The following BRIP1 variants were observed in gnomAD, a reference collection of about 807,000 sequenced individuals.
BRIP1 encodes BRCA1 interacting DNA helicase 1, also known as Fanconi anemia group J protein.
A neutral mutation model predicts 119.7 loss-of-function variants in BRIP1; 88 were observed. The observed-to-expected ratio is 0.74, with a 90% CI of 0.62 to 0.88. The LOEUF (loss-of-function observed/expected upper bound fraction) is 0.88. Among genes scored for constraint, BRIP1 ranks in the 40% least tolerant of loss-of-function variants. The pLI is 0.00. For missense variants in BRIP1, 1,259 were observed against 1,455.4 expected (o/e 0.87, Z 2.20); for synonymous variants, 443 against 496.5 (o/e 0.89, Z 1.43).
rs2078232419 is a variant in BRIP1, at chr17:61,816,081, T to G, written c.628-7324A>C. 6.6e-6 allele frequency among the ~76,000 whole-genome samples: 1 copy of G among 152,218 alleles called. No individual in the cohort carries two copies. Among genetic ancestry groups the G allele is most frequent in the Non-Finnish European group, 1.5e-5 (1 of 68,032 alleles). ...TTAGACTGCACAAAGCAGCTGTTTATCCACTCACAGCAACCAGCAGGTGAA... is the reference window on the plus strand; with the variant it reads ...TTAGACTGCACAAAGCAGCTGTTTAGCCACTCACAGCAACCAGCAGGTGAA... On this transcript the variant is annotated intron_variant, in intron 6 of 19. Transcript: ENST00000259008. The surrounding 1 kb of genome is among the most constrained non-coding windows in gnomAD (Gnocchi z 5.0).
chr17:61,757,045 G>A lies in BRIP1; in HGVS notation c.2098-12454C>T, dbSNP rs1398215448. On this transcript the variant is annotated intron_variant, in intron 14 of 19. Transcript: ENST00000259008. This position sits in a 1 kb window ranked among gnomAD's most constrained non-coding sequence, Gnocchi z 4.3. ...GATTCTTCATTATTCATTTCATGAG[G>A]TACTCATATGTTTTAAATGTTTACT... 6.6e-6 allele frequency among the ~76,000 whole-genome samples: 1 copy of A among 151,992 alleles called. No homozygotes were observed. The highest frequency in any genetic ancestry group is 6.6e-5 in the Admixed American group (1 of 15,262).
At chr17:61,777,242 G>C (rs1260064708) in intron 13 of BRIP1, among the ~76,000 whole-genome samples, 1 of 152,148 alleles carries the variant, frequency 6.6e-6, no homozygotes, top group Admixed American at 6.5e-5. Context: ...ATGAATGAAT[G>C]ATCAAAATGT....
At position 61,687,210 on chromosome 17, in the gene BRIP1, A is replaced by G. The variant is rs2061376203; in HGVS notation, c.2576-1045T>C. ...AACTATGATCACGTCACTGCACTCC[A>G]GCCTGGGCAACAGAGTAAGACCTGT... On this transcript the variant is annotated intron_variant, in intron 18 of 19. Coordinates refer to ENST00000259008, the MANE Select transcript of BRIP1 (RefSeq NM_032043.3). This position sits in a 1 kb window ranked among gnomAD's most constrained non-coding sequence, Gnocchi z 5.1. 6.6e-6 allele frequency among the ~76,000 whole-genome samples: 1 copy of G among 152,214 alleles called. No homozygotes were observed. The highest frequency in any genetic ancestry group is 2.1e-4 in the South Asian group (1 of 4,830).
intron 14 of BRIP1, among the ~76,000 whole-genome samples, chr17:61,750,083 G>A (rs1013089740): frequency 2.6e-5 from 4 of 152,162 alleles, no homozygotes; most frequent in African/African-American, 9.7e-5. Context: ...TGGCAAGAGT[G>A]GGCATCCTTG....
Position 61,842,943 on chromosome 17 carries a change from C to T in BRIP1, c.627+4158G>A, listed in dbSNP as rs2078678006. Among the ~76,000 whole-genome samples the T allele has an allele frequency of 6.6e-6, 1 of 152,142 alleles. No homozygotes were observed. The highest frequency in any genetic ancestry group is 2.1e-4 in the South Asian group (1 of 4,828). On this transcript the variant is annotated intron_variant, in intron 6 of 19. Coordinates refer to ENST00000259008, the MANE Select transcript of BRIP1 (RefSeq NM_032043.3). The surrounding 1 kb of genome is among the most constrained non-coding windows in gnomAD (Gnocchi z 5.1). The stretch of plus-strand genomic sequence containing the variant: ...AGTAGAGCTATGATTAAAATCCAAG[C>T]AGTCTCAAGATATGAAAATAACCTA...
chr17:61,683,193 T>G lies in BRIP1; in HGVS notation c.*103A>C. On this transcript the variant is annotated 3_prime_UTR_variant, in exon 20 of 20. Transcript: ENST00000259008. The surrounding 1 kb of genome is among the most constrained non-coding windows in gnomAD (Gnocchi z 4.7). ...TACATTTCTGAACATAAAATAGTTT[T>G]TTAAAAAGTATGCCACTTATTCAAT... 5.2e-6 allele frequency: 7 copies of G among 1,346,232 alleles called. No homozygotes were observed. Among genetic ancestry groups the G allele is most frequent in the Non-Finnish European group, 7.2e-6 (7 of 971,322 alleles). 83.4% of individuals were successfully genotyped at this position (1,346,232 alleles called of 1,614,324 possible). A position where few individuals can be genotyped will look rare whatever the true frequency, so the allele number is the denominator to read the frequency against.
At position 61,703,130 on chromosome 17, in the gene BRIP1, T is replaced by C. The variant is rs527381018; in HGVS notation, c.2493-9618A>G. On this transcript the variant is annotated intron_variant, in intron 17 of 19. Transcript: ENST00000259008. The surrounding 1 kb of genome is among the most constrained non-coding windows in gnomAD (Gnocchi z 5.0). ...CCCAGGCTGAAGTGCAGTGGCACAA[T>C]CCCAACTCACTGCAAACTCCACCTC... Among the ~76,000 whole-genome samples, 1 of 152,302 alleles carries C rather than the reference T, an allele frequency of 6.6e-6. No individual in the cohort carries two copies. Among genetic ancestry groups the C allele is most frequent in the African/African-American group, 2.4e-5 (1 of 41,572 alleles).
At position 61,778,923 on chromosome 17, in the gene BRIP1, C is replaced by T. The variant is rs2077574066; in HGVS notation, c.1935+1338G>A. Among the ~76,000 whole-genome samples the T allele has an allele frequency of 6.6e-6, 1 of 152,112 alleles. No homozygotes were observed. The highest frequency in any genetic ancestry group is 2.4e-5 in the African/African-American group (1 of 41,436). On this transcript the variant is annotated intron_variant, in intron 13 of 19. Transcript: ENST00000259008. This position sits in a 1 kb window ranked among gnomAD's most constrained non-coding sequence, Gnocchi z 4.4. The stretch of plus-strand genomic sequence containing the variant: ...CCTGTGTATATAGCTTAATAAAGAG[C>T]TAGCATTGTGTTAGGCACACAGGTG...
chr17:61,754,233 C>T lies in BRIP1; in HGVS notation c.2098-9642G>A, dbSNP rs977995459. The stretch of plus-strand genomic sequence containing the variant: ...GATTTTACCCAGCTATTTCTTTGGC[C>T]GTATCTCCTTCAATTCCCCATACTT... On this transcript the variant is annotated intron_variant, in intron 14 of 19. Transcript: ENST00000259008. The surrounding 1 kb of genome is among the most constrained non-coding windows in gnomAD (Gnocchi z 4.1). Among the ~76,000 whole-genome samples, 2 of 152,238 alleles carry T rather than the reference C, an allele frequency of 1.3e-5. No homozygotes were observed. The highest frequency in any genetic ancestry group is 1.9e-4 in the East Asian group (1 of 5,186).
rs1234209130 is a variant in BRIP1 at position 61,780,705 on chromosome 17, G to T, written c.1794+135C>A. Reference sequence around the variant, plus strand: ...ATTGCACCACTGCACTCCAGCCTGGGTGAAGAGCAAGACCCTGCCTCAAAA... The same window carrying T: ...ATTGCACCACTGCACTCCAGCCTGGTTGAAGAGCAAGACCCTGCCTCAAAA... On this transcript the variant is annotated intron_variant, in intron 12 of 19. Transcript: ENST00000259008. The surrounding 1 kb of genome is among the most constrained non-coding windows in gnomAD (Gnocchi z 5.4). 2 of 1,094,044 alleles carry T rather than the reference G, an allele frequency of 1.8e-6. No homozygotes were observed. Among genetic ancestry groups the T allele is most frequent in the Non-Finnish European group, 1.4e-6 (1 of 728,446 alleles). The allele number at this position is 1,094,044 out of a possible 1,614,324, so 67.8% of individuals were successfully genotyped here.
chr17:61,733,772 A>G (rs560191935), intron 16 of BRIP1, among the ~76,000 whole-genome samples: 1 of 152,272 alleles, frequency 6.6e-6, no homozygotes, highest in East Asian at 1.9e-4. Context: ...ATAGTTTCCA[A>G]ATAAAATCTA....
In BRIP1 at chr17:61,759,889, A is replaced by G. The variant is rs1351932399; in HGVS notation, c.2098-15298T>C. 4.3e-5 allele frequency among the ~76,000 whole-genome samples: 4 copies of G among 93,620 alleles called. No individual in the cohort carries two copies. The highest frequency in any genetic ancestry group is 1.1e-4 in the Non-Finnish European group (4 of 37,890). The allele number at this position is 93,620 out of a possible 152,430, so 61.4% of individuals were successfully genotyped here. ...GGTTGCCACAAACCTTTAATTTATG[A>G]AAAAAAAAAAACCCAGAATATTTGC... On this transcript the variant is annotated intron_variant, in intron 14 of 19. Coordinates refer to ENST00000259008, the MANE Select transcript of BRIP1 (RefSeq NM_032043.3). This position sits in a 1 kb window ranked among gnomAD's most constrained non-coding sequence, Gnocchi z 4.9.
At position 61,859,880 on chromosome 17, in the gene BRIP1, G is replaced by T; in HGVS notation, c.121C>A (p.His41Asn). The T allele has an allele frequency of 6.2e-7, 1 of 1,613,238 alleles. No individual in the cohort carries two copies. The highest frequency in any genetic ancestry group is 8.5e-7 in the Non-Finnish European group (1 of 1,179,272). Residue 41 changes from histidine to asparagine, a missense_variant, in exon 3 of 20, where the codon CAT becomes AAT. By Grantham distance (68) the His-to-Asn change is moderately conservative. Coordinates refer to ENST00000259008, the MANE Select transcript of BRIP1 (RefSeq NM_032043.3). ...CCTGTGGGACTCTCCAACAAACAAT[G>T]TTGCTTGCTGTTTAATCCTCTGAGA... ...SILRGLNSKQHCLLESPTGSG... is the reference protein window; with the variant it reads ...SILRGLNSKQNCLLESPTGSG...
chr17:61,775,831 C>T lies in BRIP1; in HGVS notation c.2097+570G>A, dbSNP rs1389046832. 6.5e-6 allele frequency: 1 copy of T among 152,760 alleles called. No individual in the cohort carries two copies. The highest frequency in any genetic ancestry group is 2.4e-5 in the African/African-American group (1 of 41,438). 9.5% of individuals were successfully genotyped at this position (152,760 alleles called of 1,614,324 possible). ...TTGTCCCTAAGAATAAAAATGTACA[C>T]ATAAACACTTCTCCTATATAATTAA... On this transcript the variant is annotated intron_variant, in intron 14 of 19. Coordinates refer to ENST00000259008, the MANE Select transcript of BRIP1 (RefSeq NM_032043.3). This position sits in a 1 kb window ranked among gnomAD's most constrained non-coding sequence, Gnocchi z 4.4.
At position 61,843,833 on chromosome 17, in the gene BRIP1, G is replaced by A. The variant is rs76309575; in HGVS notation, c.627+3268C>T. 0.065 allele frequency among the ~76,000 whole-genome samples: 9,921 copies of A among 152,036 alleles called. 580 individuals carry two copies. Among genetic ancestry groups the A allele is most frequent in the South Asian group, 0.3 (1,429 of 4,816 alleles). On this transcript the variant is annotated intron_variant, in intron 6 of 19. Transcript: ENST00000259008. The surrounding 1 kb of genome is among the most constrained non-coding windows in gnomAD (Gnocchi z 5.7). ...ATAACAATTCAAACAGACTATCACA[G>A]CTTGGCTGTAGTAATAATTTCACTA...
chr17:61,786,783 T>TA (rs972522587), intron 10 of BRIP1, among the ~76,000 whole-genome samples: 6 of 133,254 alleles, frequency 4.5e-5, no homozygotes, highest in African/African-American at 1.7e-4. Flanking sequence ...TATTTATATA[T>TA]AATATAGTAT....
Position 61,784,388 on chromosome 17 carries a change from T to C in BRIP1, c.1510A>G (p.Ile504Val). The stretch of plus-strand genomic sequence containing the variant: ...TCCTCTTTACCATAAATTGGTGAGA[T>C]TTTTTCCTCTTTTTGAAGAACAGCA... Reference protein sequence around the residue: ...FSAVLQKEEKISPIYGKEEAR... With the variant: ...FSAVLQKEEKVSPIYGKEEAR... Residue 504 changes from isoleucine (I) to valine (V), a missense_variant, in exon 11 of 20, where the codon ATC (isoleucine) becomes GTC (valine). Ile to Val is a conservative substitution (Grantham distance 29). This residue lies in a region of BRIP1 where 753 missense variants were observed against 891.8 expected (regional missense o/e 0.84). Transcript: ENST00000259008. 6.2e-7 allele frequency: 1 copy of C among 1,613,376 alleles called. No individual in the cohort carries two copies. The highest frequency in any genetic ancestry group is 2.2e-5 in the East Asian group (1 of 44,814).
In BRIP1 at chr17:61,856,392, C is replaced by G. The variant is rs907226587; in HGVS notation, c.379+666G>C. On this transcript the variant is annotated intron_variant, in intron 4 of 19. Coordinates refer to ENST00000259008, the MANE Select transcript of BRIP1 (RefSeq NM_032043.3). The surrounding 1 kb of genome is among the most constrained non-coding windows in gnomAD (Gnocchi z 5.1). ...GCAGAAAAAAGCGTTATTGGATGCT[C>G]TAAACAAGAAATGGTAGTTTGGACT... Among the ~76,000 whole-genome samples, 6 of 152,054 alleles carry G rather than the reference C, an allele frequency of 3.9e-5. No homozygotes were observed. Among genetic ancestry groups the G allele is most frequent in the Non-Finnish European group, 7.4e-5 (5 of 68,008 alleles).
rs1486843420 is a variant in BRIP1, at chr17:61,680,249, G to A, written c.*3047C>T. Among the ~76,000 whole-genome samples, 1 of 151,634 alleles carries A rather than the reference G, an allele frequency of 6.6e-6. No individual in the cohort carries two copies. The highest frequency in any genetic ancestry group is 2.4e-5 in the African/African-American group (1 of 41,284). On this transcript the variant is annotated 3_prime_UTR_variant, in exon 20 of 20. Coordinates refer to ENST00000259008, the MANE Select transcript of BRIP1 (RefSeq NM_032043.3). ...CACCTGTAATCCCAGCTACGCAGGA[G>A]GCTGAGACATGAGAATCGCTTTAAC...
Sources: allele counts gnomAD v4.1 joint callset (sites outside exome capture counted in the v4.1 genomes callset), GRCh38; gene constraint gnomAD v4.1.1; regional missense constraint gnomAD v4.1.1; non-coding constraint Gnocchi (gnomAD v3.1); transcripts MANE v1.5; gene names NCBI Gene and HGNC (gene_info 2026-07-23, HGNC 2026-07-21).